Variants in BLTP3B observed in about 807,000 individuals in gnomAD.
BLTP3B encodes the protein bridge-like lipid transfer protein family member 3B, also known as UHRF1 (ICBP90) binding protein 1-like.
the BLTP3B span, chr12:100,072,633 C>T: frequency 7.0e-7 from 1 of 1,423,538 alleles, no homozygotes; most frequent in Non-Finnish European, 9.3e-7. Flanking sequence ...AAAATACTTT[C>T]TCAAATAATG....
the BLTP3B span, chr12:100,142,632 C>T: frequency 3.1e-6 from 5 of 1,608,532 alleles, no homozygotes; most frequent in Non-Finnish European, 4.2e-6. Flanking sequence ...ATGATCCCGG[C>T]CATGGTACCG....
At chr12:100,111,843 A>G in the BLTP3B span, among the ~76,000 whole-genome samples, 1 of 152,028 alleles carries the variant, frequency 6.6e-6, no homozygotes, top group East Asian at 1.9e-4. Flanking sequence ...CGACCTTGTG[A>G]TCCATCCACC....
the BLTP3B span, among the ~76,000 whole-genome samples, chr12:100,077,372 T>A: frequency 6.6e-6 from 1 of 152,240 alleles, no homozygotes; most frequent in African/African-American, 2.4e-5. Flanking sequence ...GTTAATGATG[T>A]TAAGCAACAC....
chr12:100,038,564 G>A, the BLTP3B span, among the ~76,000 whole-genome samples: 34 of 152,224 alleles, frequency 2.2e-4, no homozygotes, highest in African/African-American at 6.7e-4. Context: ...TCGAACTCGC[G>A]ACCTCAGGTG....
chr12:100,053,989 A>G, the BLTP3B span, among the ~76,000 whole-genome samples: 1 of 152,198 alleles, frequency 6.6e-6, no homozygotes, highest in Non-Finnish European at 1.5e-5. Flanking sequence ...AGGAATGTAT[A>G]TCATTAAAAT....
the BLTP3B span, among the ~76,000 whole-genome samples, chr12:100,047,233 C>T: frequency 6.6e-6 from 1 of 152,100 alleles, no homozygotes; most frequent in African/African-American, 2.4e-5. Flanking sequence ...CGAGGTGGCT[C>T]GCACCTGTAA....
At chr12:100,076,949 T>C in the BLTP3B span, among the ~76,000 whole-genome samples, 1 of 152,210 alleles carries the variant, frequency 6.6e-6, no homozygotes, top group African/African-American at 2.4e-5. Flanking sequence ...TTTGGTGTGG[T>C]TGCGTATATA....
At chr12:100,088,921 C>T in the BLTP3B span, 1 of 1,551,352 alleles carries the variant, frequency 6.4e-7, no homozygotes, top group Non-Finnish European at 8.7e-7. Context: ...TTACCTTTTT[C>T]TTTAGCATGA....
At chr12:100,125,190 G>T in the BLTP3B span, among the ~76,000 whole-genome samples, 1 of 150,390 alleles carries the variant, frequency 6.6e-6, no homozygotes, top group African/African-American at 2.4e-5. Flanking sequence ...AAATTAGCCA[G>T]ACATGGAGGC....
At chr12:100,098,999 A>ATTATTAT in the BLTP3B span, among the ~76,000 whole-genome samples, 323 of 148,316 alleles carry the variant, frequency 2.2e-3, 2 homozygotes, top group African/African-American at 7.4e-3. Context: ...CCATTTTATT[A>ATTATTAT]TTTTTTTTTT....
the BLTP3B span, among the ~76,000 whole-genome samples, chr12:100,141,327 C>T: frequency 6.7e-6 from 1 of 149,162 alleles, no homozygotes; most frequent in South Asian, 2.1e-4. Context: ...TAAAAAAATA[C>T]TACATATATA....
the BLTP3B span, among the ~76,000 whole-genome samples, chr12:100,053,029 G>T: frequency 6.6e-6 from 1 of 151,418 alleles, no homozygotes; most frequent in African/African-American, 2.4e-5. Context: ...TCCTGACTTC[G>T]CGATCCACCC....
the BLTP3B span, among the ~76,000 whole-genome samples, chr12:100,091,913 A>C: frequency 2.0e-5 from 3 of 151,326 alleles, no homozygotes; most frequent in African/African-American, 7.3e-5. Context: ...GGTTTGAGAG[A>C]CTACCCTGCC....
chr12:100,098,585 A>C, the BLTP3B span: 1 of 1,545,398 alleles, frequency 6.5e-7, no homozygotes, highest in Non-Finnish European at 8.7e-7. Context: ...GACAAAACTA[A>C]TTTTTAAAAA....
At chr12:100,054,496 A>C in the BLTP3B span, among the ~76,000 whole-genome samples, 3,679 of 152,264 alleles carry the variant, frequency 0.024, 144 homozygotes, top group African/African-American at 0.083. Context: ...TGATGCTTTC[A>C]GATTAAGTAG....
chr12:100,086,241 C>A, the BLTP3B span: 4 of 1,302,534 alleles, frequency 3.1e-6, no homozygotes, highest in South Asian at 3.7e-5. Flanking sequence ...TTGAAAACAA[C>A]ATTTATATCT....
chr12:100,037,454 T>C, the BLTP3B span: 39 of 1,356,706 alleles, frequency 2.9e-5, no homozygotes, highest in African/African-American at 1.5e-5. Flanking sequence ...AACCAAAAGA[T>C]TGTAATGCCC....
chr12:100,104,954 A>G, the BLTP3B span, among the ~76,000 whole-genome samples: 1 of 151,462 alleles, frequency 6.6e-6, no homozygotes, highest in Non-Finnish European at 1.5e-5. Context: ...AGATCTCCAC[A>G]TGGAGAACTA....
At chr12:100,114,527 T>C in the BLTP3B span, among the ~76,000 whole-genome samples, 1 of 152,208 alleles carries the variant, frequency 6.6e-6, no homozygotes, top group African/African-American at 2.4e-5. Flanking sequence ...AAGGATGAAA[T>C]TCTCATTATC....
Sources: allele counts gnomAD v4.1 joint callset (sites outside exome capture counted in the v4.1 genomes callset), GRCh38; gene constraint gnomAD v4.1.1; transcripts MANE v1.5; gene names NCBI Gene and HGNC (gene_info 2026-07-23, HGNC 2026-07-21).